SCRN3: variants seen among roughly 807,000 people sequenced by gnomAD.
The protein encoded by SCRN3 is secernin-3.
A neutral mutation model predicts 43.1 loss-of-function variants in SCRN3; 39 were observed. The ratio of observed to expected loss-of-function variants is 0.91; its 90% CI spans 0.70 to 1.18. The LOEUF is 1.18. Ranked by LOEUF, SCRN3 falls within the 50% of genes most tolerant of loss-of-function variation. The pLI is 0.00. For synonymous variants in SCRN3, 147 were observed against 163.1 expected (o/e 0.90, Z 0.75); for missense variants, 484 against 498.0 (o/e 0.97, Z 0.27).
At position 174,401,156 on chromosome 2, in the gene SCRN3, G is replaced by A; in HGVS notation, c.508G>A (p.Ala170Thr). The change falls in exon 4 of 8, where the codon GCA becomes ACA. Residue 170 changes from alanine to threonine, a missense_variant. Transcript: ENST00000272732. ...GAATGAAGCCTGGATTCTGGAGACT[G>A]CAGGGAAGTACTGGGCAGCAGAAAA... The part of the protein sequence containing the change: ...DRNEAWILET[A>T]GKYWAAEKVQ... 1 of 1,613,898 alleles carries A rather than the reference G, an allele frequency of 6.2e-7. No homozygotes were observed. The highest frequency in any genetic ancestry group is 8.5e-7 in the Non-Finnish European group (1 of 1,179,858).
At chr2:174,416,044 G>C (rs1342438700) in intron 5 of SCRN3, among the ~76,000 whole-genome samples, 1 of 152,132 alleles carries the variant, frequency 6.6e-6, no homozygotes, top group Non-Finnish European at 1.5e-5. Context: ...TTATATGGTA[G>C]TTATTATGAG....
downstream of SCRN3, among the ~76,000 whole-genome samples, chr2:174,429,954 A>T (rs986563297): frequency 6.6e-6 from 1 of 152,182 alleles, no homozygotes; most frequent in Non-Finnish European, 1.5e-5. Flanking sequence ...TCATGACTTG[A>T]TAGCTCATTT....
intron 7 of SCRN3, among the ~76,000 whole-genome samples, chr2:174,426,562 A>G (rs948469779): frequency 6.6e-6 from 1 of 152,070 alleles, no homozygotes; most frequent in Non-Finnish European, 1.5e-5. Flanking sequence ...AACTTAGGTC[A>G]GGAGTTTGAC....
At chr2:174,424,794 G>C in intron 7 of SCRN3, 145 bp downstream of exon 7, 1 of 565,488 alleles carries the variant, frequency 1.8e-6, no homozygotes, top group Non-Finnish European at 3.0e-6. Flanking sequence ...TAGTAGAGCT[G>C]TATTATTTTT....
rs1685483725 is a variant in SCRN3, at chr2:174,400,850, G to T, written c.342-140G>T. 5 of 716,508 alleles carry T rather than the reference G, an allele frequency of 7.0e-6. No individual in the cohort carries two copies. In the South Asian group the frequency reaches 1.2e-4, roughly 17 times the overall value. The allele number at this position is 716,508 out of a possible 1,614,324, so 44.4% of individuals were successfully genotyped here. A position where few individuals can be genotyped will look rare whatever the true frequency, so the allele number is the denominator to read the frequency against. On this transcript the variant is annotated intron_variant, in intron 3 of 7. Transcript: ENST00000272732. ...TTCCAAACTGACTTCAGAAGGAAAA[G>T]TTTTAAAGTTAGATGTCATTTCATC...
At chr2:174,399,117 T>C (rs1254015808) in intron 2 of SCRN3, among the ~76,000 whole-genome samples, 1 of 152,230 alleles carries the variant, frequency 6.6e-6, no homozygotes, top group Non-Finnish European at 1.5e-5. Flanking sequence ...GAACTTAAAA[T>C]GAGAGCTTCA....
At chr2:174,416,060 G>C (rs1270174465) in intron 5 of SCRN3, among the ~76,000 whole-genome samples, 1 of 152,124 alleles carries the variant, frequency 6.6e-6, no homozygotes, top group Non-Finnish European at 1.5e-5. Context: ...ATGAGGGTGT[G>C]GCCAAAACAT....
intron 2 of SCRN3, 54 bp downstream of exon 2, chr2:174,398,496 T>C: frequency 1.4e-6 from 2 of 1,461,674 alleles, no homozygotes; most frequent in Non-Finnish European, 1.8e-6. Flanking sequence ...TATCATAAAG[T>C]TATTTCTATA....
chr2:174,428,335 T>C lies in SCRN3; in HGVS notation c.*440T>C, dbSNP rs1681977630. ...AAAAATATCTCAAGTGGTAAGTTGT[T>C]TGTGCTTTAGGCAAACATTAACCAG... is the stretch of plus-strand genomic sequence containing the variant. On this transcript the variant is annotated 3_prime_UTR_variant, in exon 8 of 8. Coordinates refer to ENST00000272732, the MANE Select transcript of SCRN3 (RefSeq NM_024583.5). 6.5e-6 allele frequency: 1 copy of C among 152,786 alleles called. No homozygotes were observed. The highest frequency in any genetic ancestry group is 2.4e-5 in the African/African-American group (1 of 41,466). The allele number at this position is 152,786 out of a possible 1,614,324, so 9.5% of individuals were successfully genotyped here.
rs1404597225 is a variant in SCRN3, at chr2:174,408,654, G to A, written c.754+4339G>A. ...CAGGAGCTCTTTTAGGGCAGGCCTGGTGGTGACAAAATCGGTCAGCATTTG... is the reference window on the plus strand; with the variant it reads ...CAGGAGCTCTTTTAGGGCAGGCCTGATGGTGACAAAATCGGTCAGCATTTG... On this transcript the variant is annotated intron_variant, in intron 5 of 7. Transcript: ENST00000272732. Among the ~76,000 whole-genome samples the A allele has an allele frequency of 2.4e-4, 34 of 139,764 alleles. 1 individual carries two copies. Among genetic ancestry groups the A allele is most frequent in the Non-Finnish European group, 4.6e-4 (29 of 63,102 alleles). The allele number at this position is 139,764 out of a possible 152,430, so 91.7% of individuals were successfully genotyped here. A position where few individuals can be genotyped will look rare whatever the true frequency, so the allele number is the denominator to read the frequency against.
rs1686540765 is a variant in SCRN3 at position 174,427,817 on chromosome 2, T to A, written c.1197T>A (p.Ile399=). The A allele has an allele frequency of 1.2e-6, 2 of 1,609,396 alleles. No homozygotes were observed. Among genetic ancestry groups the A allele is most frequent in the African/African-American group, 2.7e-5 (2 of 74,860 alleles). Residue 399 remains isoleucine, a synonymous_variant, in exon 8 of 8, where the codon ATT becomes ATA. Transcript: ENST00000272732. ...ACAAGCATCTTGATGTGGAGAAAAT[T>A]GTTAATCTCTTTCCTCAGTGTACAA... ...LQNKHLDVEK[I]VNLFPQCTKD... is the part of the protein sequence containing the mutation.
Position 174,422,999 on chromosome 2 carries a change from C to T in SCRN3, c.869C>T (p.Ser290Phe). The T allele has an allele frequency of 6.2e-7, 1 of 1,613,680 alleles. No homozygotes were observed. The highest frequency in any genetic ancestry group is 1.1e-5 in the South Asian group (1 of 91,036). ...ATGGTTTCTATTTTACCTCAAGACT[C>T]CAGCCTTCCTTGCATTCACTTCTTT... ...ASMVSILPQDSSLPCIHFFTG... is the reference protein window; with the variant it reads ...ASMVSILPQDFSLPCIHFFTG... The change falls in exon 6 of 8, where the codon TCC becomes TTC. Residue 290 changes from serine (S) to phenylalanine (F), a missense_variant. Transcript: ENST00000272732.
At chr2:174,411,066 C>A (rs536757627) in intron 5 of SCRN3, among the ~76,000 whole-genome samples, 169 of 152,218 alleles carry the variant, frequency 1.1e-3, no homozygotes, top group African/African-American at 3.8e-3. Context: ...AAATGCTACT[C>A]CACTCCCTAC....
chr2:174,422,419 C>T (rs1317448558), intron 5 of SCRN3, among the ~76,000 whole-genome samples: 4 of 152,056 alleles, frequency 2.6e-5, no homozygotes, highest in Non-Finnish European at 4.4e-5. Flanking sequence ...ACCAAAAATA[C>T]AAAAATTAGT....
intron 4 of SCRN3, among the ~76,000 whole-genome samples, chr2:174,403,900 G>A (rs1462701005): frequency 6.6e-6 from 1 of 152,120 alleles, no homozygotes; most frequent in Non-Finnish European, 1.5e-5. Context: ...ATAACTGCAT[G>A]TGAATCTATA....
Position 174,400,096 on chromosome 2 carries a change from C to T in SCRN3, c.334C>T (p.Leu112Phe). ...TGAAGAAGCACTATTAGGAATGGAC[C>T]TTGTCAGGTTATTTTTTGTTACATT... Reference protein sequence around the residue: ...CDEEALLGMDLVRLGLERADT... With the variant: ...CDEEALLGMDFVRLGLERADT... Residue 112 changes from leucine to phenylalanine, a missense_variant, in exon 3 of 8, where the codon CTT becomes TTT. By Grantham distance (22) the Leu-to-Phe change is conservative. Transcript: ENST00000272732. 6 of 1,560,850 alleles carry T rather than the reference C, an allele frequency of 3.8e-6. No individual in the cohort carries two copies. Among genetic ancestry groups the T allele is most frequent in the Non-Finnish European group, 5.2e-6 (6 of 1,159,938 alleles).
At chr2:174,419,129 T>C (rs1686207844) in intron 5 of SCRN3, among the ~76,000 whole-genome samples, 1 of 152,210 alleles carries the variant, frequency 6.6e-6, no homozygotes, top group African/African-American at 2.4e-5. Flanking sequence ...GCTTTTTCTT[T>C]TAATTCCCAA....
downstream of SCRN3, chr2:174,429,651 G>T (rs2105644073): frequency 6.6e-6 from 1 of 152,264 alleles, no homozygotes; most frequent in South Asian, 2.1e-4. Flanking sequence ...CATGGTTCAA[G>T]TTAGAGATCA....
chr2:174,408,421 G>A (rs939139028), intron 5 of SCRN3, among the ~76,000 whole-genome samples: 4 of 142,420 alleles, frequency 2.8e-5, no homozygotes, highest in African/African-American at 9.9e-5. Flanking sequence ...CAATTTGCCA[G>A]TCTGTGTCTT....
Sources: gnomAD v4.1 joint callset for allele counts (sites outside exome capture counted in the v4.1 genomes callset) on GRCh38, gnomAD v4.1.1 for gene constraint, MANE v1.5 for transcripts, NCBI Gene and HGNC (gene_info 2026-07-23, HGNC 2026-07-21) for gene names.